GRM5: variants seen among roughly 807,000 people sequenced by gnomAD.
The protein encoded by GRM5 is metabotropic glutamate receptor 5.
In GRM5, 19 loss-of-function variants were observed where a neutral mutation model predicts 83.1. That is an observed-to-expected ratio of 0.23 (90% CI 0.16 to 0.34). The LOEUF (loss-of-function observed/expected upper bound fraction) is 0.34, where lower values mean the gene tolerates loss of function less well. Ranked by LOEUF, GRM5 falls within the 10% of genes least tolerant of loss-of-function variation. The pLI is 1.00. For synonymous variants in GRM5, 675 were observed against 633.6 expected (o/e 1.07, Z -0.98); for missense variants, 1,160 against 1,588.3 (o/e 0.73, Z 4.58).
chr11:88,681,768 A>G (rs1167154882), intron 3 of GRM5, among the ~76,000 whole-genome samples: 1 of 150,872 alleles, frequency 6.6e-6, no homozygotes, highest in African/African-American at 2.4e-5. Context: ...ACGTGGTTTC[A>G]CCATGTTGGC....
chr11:89,033,744 A>G (rs1344957746), intron 2 of GRM5, among the ~76,000 whole-genome samples: 1 of 151,924 alleles, frequency 6.6e-6, no homozygotes, highest in South Asian at 2.1e-4. Flanking sequence ...CTAAAGTCAC[A>G]AATAATGCAG....
intron 7 of GRM5, among the ~76,000 whole-genome samples, chr11:88,582,914 T>A (rs1299495963): frequency 6.6e-6 from 1 of 152,068 alleles, no homozygotes; most frequent in East Asian, 1.9e-4. Flanking sequence ...CCCAGAATCA[T>A]AGCACCTGGG....
chr11:88,851,332 A>G (rs1944387191), intron 2 of GRM5, among the ~76,000 whole-genome samples: 1 of 152,194 alleles, frequency 6.6e-6, no homozygotes, highest in African/African-American at 2.4e-5. Context: ...GCTGTAGAAC[A>G]TATAAGGATG....
At chr11:88,552,729 CT>C (rs1338062376) in intron 8 of GRM5, among the ~76,000 whole-genome samples, 15 of 152,114 alleles carry the variant, frequency 9.9e-5, no homozygotes, top group Admixed American at 9.2e-4. Context: ...AGGTCTGATT[CT>C]TCTCTAGCAT....
chr11:89,035,968 C>T (rs1591066558), intron 2 of GRM5, among the ~76,000 whole-genome samples: 1 of 151,952 alleles, frequency 6.6e-6, no homozygotes, highest in Non-Finnish European at 1.5e-5. Flanking sequence ...ATAAGCATGT[C>T]CAATTTGAAA....
At chr11:88,986,688 G>A (rs1461745075) in intron 2 of GRM5, among the ~76,000 whole-genome samples, 3 of 138,020 alleles carry the variant, frequency 2.2e-5, no homozygotes, top group Middle Eastern at 8.0e-3. Context: ...TTGCTGTACA[G>A]AAATTTTGGT....
intron 7 of GRM5, among the ~76,000 whole-genome samples, chr11:88,571,838 G>C (rs1943009381): frequency 6.6e-6 from 1 of 152,138 alleles, no homozygotes; most frequent in South Asian, 2.1e-4. Flanking sequence ...GAAAAGGCAG[G>C]AGGCTGTGAT....
intron 2 of GRM5, among the ~76,000 whole-genome samples, chr11:88,944,199 G>C (rs1011698190): frequency 2.6e-5 from 4 of 151,918 alleles, no homozygotes; most frequent in African/African-American, 9.7e-5. Context: ...GGCTAAACTT[G>C]AAGCCAGAAA....
chr11:88,659,280 T>C (rs1194928105), intron 3 of GRM5, among the ~76,000 whole-genome samples: 1 of 152,098 alleles, frequency 6.6e-6, no homozygotes, highest in Non-Finnish European at 1.5e-5. Context: ...AAAATGAATA[T>C]GAGTTGGGAT....
At chr11:88,551,088 CAT>C (rs1358323818) in intron 8 of GRM5, among the ~76,000 whole-genome samples, 19 of 152,136 alleles carry the variant, frequency 1.2e-4, no homozygotes, top group African/African-American at 4.6e-4. Context: ...CTCAATTTCA[CAT>C]GTCTCAATTT....
At chr11:88,878,812 T>C (rs1176296581) in intron 2 of GRM5, among the ~76,000 whole-genome samples, 1 of 152,188 alleles carries the variant, frequency 6.6e-6, no homozygotes, top group Non-Finnish European at 1.5e-5. Context: ...AAATGTATTA[T>C]GCTAAGAGAA....
Position 88,508,705 on chromosome 11 carries a change from C to T in GRM5, c.3526G>A (p.Gly1176Arg), listed in dbSNP as rs1166520609. Reference protein sequence around the residue: ...PSPFRDSVDSGSTTPNSPVSE... With the variant: ...PSPFRDSVDSRSTTPNSPVSE... ...ACTGGCGAGTTGGGGGTTGTGCTCCCCGAGTCCACCGAGTCTCTGAAGGGG... is the reference window on the plus strand; with the variant it reads ...ACTGGCGAGTTGGGGGTTGTGCTCCTCGAGTCCACCGAGTCTCTGAAGGGG... Residue 1176 changes from glycine (G) to arginine (R), a missense_variant, in exon 10 of 10, where the codon GGG becomes AGG. Gly to Arg is a moderately radical substitution (Grantham distance 125). Transcript: ENST00000305447. This position sits in a 1 kb window ranked among gnomAD's most constrained non-coding sequence, Gnocchi z 4.2. The T allele has an allele frequency of 1.2e-6, 2 of 1,600,142 alleles. No individual in the cohort carries two copies. The highest frequency in any genetic ancestry group is 1.7e-6 in the Non-Finnish European group (2 of 1,173,998).
chr11:88,869,344 C>T (rs1944723384), intron 2 of GRM5, among the ~76,000 whole-genome samples: 1 of 151,440 alleles, frequency 6.6e-6, no homozygotes, highest in Admixed American at 6.6e-5. Flanking sequence ...AGGAAATAAT[C>T]ATGGATATGC....
At chr11:88,624,960 A>G (rs1378137339) in intron 4 of GRM5, among the ~76,000 whole-genome samples, 1 of 152,164 alleles carries the variant, frequency 6.6e-6, no homozygotes, top group East Asian at 1.9e-4. Context: ...AGAATTCTAT[A>G]AAACTATAGC....
At chr11:88,789,950 G>T (rs11823908) in intron 3 of GRM5, among the ~76,000 whole-genome samples, 17,221 of 152,088 alleles carry the variant, frequency 0.11, 2,148 homozygotes, top group African/African-American at 0.31. Flanking sequence ...TGCCTCCCGG[G>T]TTCAAGCAGT....
At chr11:88,921,733 G>A (rs1166566845) in intron 2 of GRM5, among the ~76,000 whole-genome samples, 1 of 152,108 alleles carries the variant, frequency 6.6e-6, no homozygotes, top group Non-Finnish European at 1.5e-5. Context: ...CTGTTATTCA[G>A]CATAATTCTG....
chr11:88,940,369 T>A (rs984494935), intron 2 of GRM5, among the ~76,000 whole-genome samples: 19 of 150,680 alleles, frequency 1.3e-4, no homozygotes, highest in East Asian at 7.8e-4. Flanking sequence ...CAGGGACAAT[T>A]TTTTTTTTCT....
intron 2 of GRM5, among the ~76,000 whole-genome samples, chr11:88,877,849 GA>G (rs1331470483): frequency 3.4e-5 from 5 of 148,368 alleles, no homozygotes; most frequent in East Asian, 4.0e-4. Context: ...AAAGCAGAAA[GA>G]AAGAAAGAAA....
At chr11:89,000,157 G>C (rs113808568) in intron 2 of GRM5, among the ~76,000 whole-genome samples, 2 of 152,096 alleles carry the variant, frequency 1.3e-5, no homozygotes, top group African/African-American at 4.8e-5. Flanking sequence ...GTTAATGGGT[G>C]CAGCACACCA....
Sources: allele counts gnomAD v4.1 joint callset (sites outside exome capture counted in the v4.1 genomes callset), GRCh38; gene constraint gnomAD v4.1.1; non-coding constraint Gnocchi (gnomAD v3.1); transcripts MANE v1.5; gene names NCBI Gene and HGNC (gene_info 2026-07-23, HGNC 2026-07-21).